The following LRRK2 variants were observed in gnomAD, a reference collection of about 807,000 sequenced individuals.
LRRK2 encodes leucine rich repeat kinase 2, also known as leucine-rich repeat serine/threonine-protein kinase 2.
A neutral mutation model predicts 302.6 loss-of-function variants in LRRK2; 203 were observed. That is an observed-to-expected ratio of 0.67 (90% confidence interval 0.60 to 0.75). The LOEUF is 0.75. LRRK2 is among the 30% of genes least tolerant of loss of function. The pLI, the probability that LRRK2 is intolerant of heterozygous loss-of-function variation, is 0.00. For missense variants in LRRK2, 2,830 were observed against 2,951.0 expected (o/e 0.96, Z 0.95); for synonymous variants, 1,066 against 1,031.9 (o/e 1.03, Z -0.63).
chr12:40,315,452 A>T (rs1361572487), intron 33 of LRRK2, 152 bp downstream of exon 33: 2 of 695,500 alleles, frequency 2.9e-6, no homozygotes, highest in Non-Finnish European at 5.2e-6. Context: ...ATAGAAGACT[A>T]CTTGAAGAGC....
At position 40,310,586 on chromosome 12, in the gene LRRK2, C is replaced by T. The variant is rs144754773; in HGVS notation, c.4473C>T (p.Thr1491=). 5.9e-5 allele frequency: 95 copies of T among 1,611,790 alleles called. No homozygotes were observed. The highest frequency in any genetic ancestry group is 7.3e-5 in the Non-Finnish European group (86 of 1,179,528). Residue 1491 remains threonine, a synonymous_variant, in exon 31 of 51, where the codon ACC becomes ACT. Transcript: ENST00000298910. The part of the protein sequence containing the change: ...AIRDYHFVNA[T]EESDALAKLR... ...GAGATTACCACTTTGTGAATGCCAC[C>T]GAGGAATCTGATGCTTTGGCAAAAC...
intron 7 of LRRK2, among the ~76,000 whole-genome samples, chr12:40,245,355 T>C (rs1423022493): frequency 6.6e-6 from 1 of 152,126 alleles, no homozygotes; most frequent in African/African-American, 2.4e-5. Flanking sequence ...ACATATATGC[T>C]TATGTTTCTG....
At chr12:40,364,042 G>A (rs765782832) in intron 48 of LRRK2, among the ~76,000 whole-genome samples, 1 of 152,104 alleles carries the variant, frequency 6.6e-6, no homozygotes, top group Non-Finnish European at 1.5e-5. Context: ...GATGCAGCCT[G>A]TGAGTGACAA....
intron 20 of LRRK2, among the ~76,000 whole-genome samples, chr12:40,288,282 G>A (rs1021127714): frequency 6.6e-6 from 1 of 151,716 alleles, no homozygotes; most frequent in Admixed American, 6.6e-5. Flanking sequence ...AAAATAAAAT[G>A]CATTCACTTT....
intron 20 of LRRK2, among the ~76,000 whole-genome samples, chr12:40,290,252 C>T (rs1944091290): frequency 6.6e-6 from 1 of 151,964 alleles, no homozygotes; most frequent in South Asian, 2.1e-4. Flanking sequence ...AACCAACTTG[C>T]ATTCCTGGAG....
chr12:40,225,705 A>G, intron 2 of LRRK2, 65 bp downstream of exon 2: 1 of 1,388,176 alleles, frequency 7.2e-7, no homozygotes, highest in Non-Finnish European at 1.0e-6. Context: ...TTTTACTGGC[A>G]ATGTTAATAT....
intron 38 of LRRK2, among the ~76,000 whole-genome samples, chr12:40,325,418 A>G (rs987800995): frequency 2.6e-5 from 4 of 152,242 alleles, no homozygotes; most frequent in Admixed American, 2.0e-4. Context: ...AAAGCAGTCT[A>G]GATAGGAGTT....
chr12:40,276,649 T>G (rs1246312515), intron 16 of LRRK2, among the ~76,000 whole-genome samples: 2 of 152,144 alleles, frequency 1.3e-5, no homozygotes, highest in Admixed American at 1.3e-4. Flanking sequence ...TCTGCACATT[T>G]GCATGGCCTG....
At chr12:40,280,190 TCTGTAATCCCAACA>T (rs1289859300) in intron 18 of LRRK2, among the ~76,000 whole-genome samples, 1 of 152,124 alleles carries the variant, frequency 6.6e-6, no homozygotes, top group East Asian at 1.9e-4. Context: ...GTGGCTCACA[TCTGTAATCCCAACA>T]CTTTGGGATG....
At chr12:40,320,777 CTAATTG>C in intron 34 of LRRK2, among the ~76,000 whole-genome samples, 1 of 152,062 alleles carries the variant, frequency 6.6e-6, no homozygotes, top group East Asian at 1.9e-4. Flanking sequence ...CTATGCATAA[CTAATTG>C]TAATAATTTA....
chr12:40,234,067 G>A (rs1171012047), intron 3 of LRRK2, among the ~76,000 whole-genome samples: 1 of 152,166 alleles, frequency 6.6e-6, no homozygotes, highest in African/African-American at 2.4e-5. Flanking sequence ...TTCTTCCGTG[G>A]TAATAAAGTC....
rs200211192 is a variant in LRRK2, at chr12:40,277,876, T to A, written c.1942-12T>A. 1 of 1,588,118 alleles carries A rather than the reference T, an allele frequency of 6.3e-7. No individual in the cohort carries two copies. On this transcript the variant is annotated splice_polypyrimidine_tract_variant and intron_variant, in intron 16 of 50. Coordinates refer to ENST00000298910, the MANE Select transcript of LRRK2 (RefSeq NM_198578.4). ...ATTGCTTATTTTATTATTTTTTTTC[T>A]TATACTTTTAGGGATTTCAGACAAT... is the stretch of plus-strand genomic sequence containing the variant.
chr12:40,353,500 T>G (rs1219412557), intron 44 of LRRK2, among the ~76,000 whole-genome samples: 4 of 65,348 alleles, frequency 6.1e-5, no homozygotes, highest in African/African-American at 1.4e-4. Flanking sequence ...TTTCCCAGAC[T>G]GGGCAGCCGG....
intron 25 of LRRK2, among the ~76,000 whole-genome samples, chr12:40,301,933 C>G (rs1404135142): frequency 6.6e-6 from 1 of 152,158 alleles, no homozygotes; most frequent in African/African-American, 2.4e-5. Flanking sequence ...AATCCCAGCA[C>G]TTTGGGAGGC....
intron 11 of LRRK2, 147 bp downstream of exon 11, chr12:40,253,163 T>C: frequency 1.7e-6 from 1 of 594,870 alleles, no homozygotes; most frequent in South Asian, 2.1e-5. Flanking sequence ...TGTATTGACA[T>C]ATGGATTATG....
intron 12 of LRRK2, among the ~76,000 whole-genome samples, chr12:40,257,917 T>C (rs1296236719): frequency 7.0e-6 from 1 of 142,412 alleles, no homozygotes; most frequent in Non-Finnish European, 1.5e-5. Context: ...TGGATGGTGG[T>C]GGGGCAGGGT....
rs1339355784 is a variant in LRRK2 at position 40,274,653 on chromosome 12, C to A, written c.1727C>A (p.Ala576Glu). The change falls in exon 15 of 51, where the codon GCA (alanine) becomes GAA (glutamate). Residue 576 changes from alanine (A) to glutamate (E), a missense_variant. Physicochemically the swap from Ala to Glu is moderately radical, Grantham distance 107 (BLOSUM62 -1). Around this residue, in one of 3 missense-constraint regions of LRRK2, gnomAD observed 2,121 missense variants for 2,148.0 expected, o/e 0.99. Coordinates refer to ENST00000298910, the MANE Select transcript of LRRK2 (RefSeq NM_198578.4). ...VISSIVHFPD[A>E]LEMLSLEGAM... is the part of the protein sequence containing the mutation. ...TCTTCTATTGTACATTTTCCTGATG[C>A]ATTAGAGATGTTATCCCTGGAAGGT... 6.2e-7 allele frequency: 1 copy of A among 1,613,800 alleles called. No homozygotes were observed. The highest frequency in any genetic ancestry group is 8.5e-7 in the Non-Finnish European group (1 of 1,179,816).
intron 45 of LRRK2, 146 bp downstream of exon 45, chr12:40,354,638 T>A: frequency 1.3e-6 from 1 of 767,396 alleles, no homozygotes; most frequent in East Asian, 2.7e-5. Context: ...TTGTGGAAGG[T>A]CACAGAGATA....
chr12:40,267,033 A>C (rs1255974360), intron 14 of LRRK2, among the ~76,000 whole-genome samples: 4 of 152,080 alleles, frequency 2.6e-5, no homozygotes, highest in Non-Finnish European at 4.4e-5. Flanking sequence ...ACCTAATGTT[A>C]AATGACAAGT....
Sources: allele counts gnomAD v4.1 joint callset (sites outside exome capture counted in the v4.1 genomes callset), GRCh38; gene constraint gnomAD v4.1.1; regional missense constraint gnomAD v4.1.1; transcripts MANE v1.5; gene names NCBI Gene and HGNC (gene_info 2026-07-23, HGNC 2026-07-21).